The following FRYL variants were observed in gnomAD, a reference collection of about 807,000 sequenced individuals.
FRYL encodes the protein protein furry homolog-like.
In FRYL, 150 loss-of-function variants were observed where a neutral mutation model predicts 351.2. The observed-to-expected ratio is 0.43, with a 90% CI of 0.37 to 0.49. The LOEUF is 0.49. Ranked by LOEUF, FRYL falls within the 20% of genes least tolerant of loss-of-function variation. The pLI, the probability that FRYL is intolerant of heterozygous loss-of-function variation, is 0.00. For synonymous variants in FRYL, 1,153 were observed against 1,257.1 expected, an observed-to-expected ratio of 0.92 and a Z score of 1.75; for missense variants, 3,036 against 3,619.3, an observed-to-expected ratio of 0.84 and a Z score of 4.13.
In FRYL at chr4:48,710,510, T is replaced by G. The variant is rs1218413646; in HGVS notation, c.-204+9A>C. ...AGGCCTAGAAAAGAGGAAATATACA[T>G]GTCCTTACCACTTAGAAATGGTTGT... On this transcript the variant is annotated intron_variant, in intron 2 of 63. Transcript: ENST00000358350. 2.5e-6 allele frequency: 1 copy of G among 398,496 alleles called. No individual in the cohort carries two copies. The highest frequency in any genetic ancestry group is 2.1e-5 in the African/African-American group (1 of 48,640). The allele number at this position is 398,496 out of a possible 1,614,324, so 24.7% of individuals were successfully genotyped here.
Position 48,557,083 on chromosome 4 carries a change from A to G in FRYL, c.4161T>C (p.Asn1387=), listed in dbSNP as rs750997693. The G allele has an allele frequency of 3.7e-6, 6 of 1,606,282 alleles. No homozygotes were observed. The Admixed American group carries it at 5.0e-5, about 13-fold the overall frequency. The part of the protein sequence containing the change: ...GDELAWSEVE[N]VWTTLADGWP... ...AGCCATCTGCAAGTGTGGTCCACAC[A>G]TTCTCCACCTCCGACCAGGCCAGTT... The change falls in exon 35 of 64, where the codon AAT becomes AAC. Residue 1387 remains asparagine (N), a synonymous_variant. Transcript: ENST00000358350.
chr4:48,733,929 A>C (rs1771004380), intron 1 of FRYL, among the ~76,000 whole-genome samples: 1 of 152,182 alleles, frequency 6.6e-6, no homozygotes, highest in Non-Finnish European at 1.5e-5. Context: ...AAAGGAAAGA[A>C]AATGGAATCA....
chr4:48,602,773 C>A lies in FRYL; in HGVS notation c.933+517G>T, dbSNP rs575955883. Among the ~76,000 whole-genome samples the A allele has an allele frequency of 3.3e-5, 5 of 152,266 alleles. No homozygotes were observed. In the South Asian group the frequency reaches 1.0e-3, roughly 32 times the overall value. ...AAAGACGTAATTAGACAGAAAACAG[C>A]TGCTAAAATCACTTTATGACAGTGA... is the stretch of plus-strand genomic sequence containing the variant. On this transcript the variant is annotated intron_variant, in intron 12 of 63. Coordinates refer to ENST00000358350, the MANE Select transcript of FRYL (RefSeq NM_015030.2).
intron 59 of FRYL, among the ~76,000 whole-genome samples, chr4:48,509,306 C>T (rs1194714550): frequency 5.3e-5 from 8 of 152,080 alleles, no homozygotes; most frequent in African/African-American, 1.9e-4. Flanking sequence ...GTACTTGAAG[C>T]TACAATTCAC....
chr4:48,684,947 T>C (rs1482751957), intron 2 of FRYL, among the ~76,000 whole-genome samples, 152 bp from the exon 3 acceptor site: 3 of 152,226 alleles, frequency 2.0e-5, no homozygotes, highest in African/African-American at 7.2e-5. Flanking sequence ...CATGACATTT[T>C]TTCTAAGTTT....
chr4:48,590,254 G>A (rs753399800), intron 17 of FRYL, among the ~76,000 whole-genome samples: 30 of 152,054 alleles, frequency 2.0e-4, no homozygotes, highest in Non-Finnish European at 3.2e-4. Flanking sequence ...AGGCTGAGGC[G>A]AGTGAAATCA....
Position 48,499,670 on chromosome 4 carries a change from G to A in FRYL, c.8794C>T (p.Pro2932Ser). The change falls in exon 64 of 64, where the codon CCC (proline) becomes TCC (serine). Residue 2932 changes from proline to serine, a missense_variant. Physicochemically the swap from Pro to Ser is moderately conservative, Grantham distance 74. This residue lies in a region of FRYL where 1,987 missense variants were observed against 2,311.7 expected (regional missense o/e 0.86). Transcript: ENST00000358350. The part of the protein sequence containing the change: ...AQVKAFRSLW[P>S]SDIFGSCEDD... Reference sequence around the variant, plus strand: ...TCACAACTGCCAAAGATATCACTGGGCCAGAGAGATCTGAAAATACACAAT... The same window carrying A: ...TCACAACTGCCAAAGATATCACTGGACCAGAGAGATCTGAAAATACACAAT... The A allele has an allele frequency of 1.2e-6, 2 of 1,613,458 alleles. No individual in the cohort carries two copies. Among genetic ancestry groups the A allele is most frequent in the Non-Finnish European group, 1.7e-6 (2 of 1,179,586 alleles).
At chr4:48,699,191 TA>T (rs1766491348) in intron 2 of FRYL, among the ~76,000 whole-genome samples, 1 of 152,242 alleles carries the variant, frequency 6.6e-6, no homozygotes, top group Admixed American at 6.5e-5. Context: ...AAAATGCAAT[TA>T]TTTTCAATGG....
At chr4:48,680,997 C>T (rs569940513) in intron 3 of FRYL, 12 of 1,279,388 alleles carry the variant, frequency 9.4e-6, no homozygotes, top group East Asian at 5.7e-5. Flanking sequence ...GCTCATCCAC[C>T]GTCTTCTCAG....
chr4:48,649,086 C>A (rs544692319), intron 3 of FRYL, among the ~76,000 whole-genome samples: 1 of 152,048 alleles, frequency 6.6e-6, no homozygotes, highest in Non-Finnish European at 1.5e-5. Flanking sequence ...TACACAGATA[C>A]GTGTGCAAAG....
intron 35 of FRYL, among the ~76,000 whole-genome samples, chr4:48,555,684 T>C (rs945012053): frequency 6.6e-6 from 1 of 152,124 alleles, no homozygotes; most frequent in Non-Finnish European, 1.5e-5. Context: ...AGACAGAATA[T>C]AGGAGACACA....
chr4:48,674,869 A>C (rs1763324263), intron 3 of FRYL, among the ~76,000 whole-genome samples: 1 of 152,140 alleles, frequency 6.6e-6, no homozygotes, highest in South Asian at 2.1e-4. Flanking sequence ...AAAACAGATC[A>C]AGAGGTTCAC....
At chr4:48,556,880 C>T in intron 35 of FRYL, 98 bp downstream of exon 35, 1 of 1,133,826 alleles carries the variant, frequency 8.8e-7, no homozygotes, top group South Asian at 2.1e-5. Flanking sequence ...CTTGCCTTGC[C>T]TTGCCTCTCC....
In FRYL at chr4:48,551,695, TA is replaced by T. The variant is rs563048995; in HGVS notation, c.4436-118del. ...TAACTAAAATGAGAGCAAAGTCATT[TA>T]AAAAAAGGAATGTACTCATAATGAC... On this transcript the variant is annotated intron_variant, in intron 36 of 63. Transcript: ENST00000358350. 8.5e-5 allele frequency: 55 copies of T among 649,894 alleles called. No homozygotes were observed. In the East Asian group the frequency reaches 1.4e-3, roughly 17 times the overall value. The allele number at this position is 649,894 out of a possible 1,614,324, so 40.3% of individuals were successfully genotyped here. A position where few individuals can be genotyped will look rare whatever the true frequency, so the allele number is the denominator to read the frequency against.
chr4:48,726,945 A>G (rs1770152833), intron 1 of FRYL, among the ~76,000 whole-genome samples: 1 of 152,226 alleles, frequency 6.6e-6, no homozygotes, highest in African/African-American at 2.4e-5. Flanking sequence ...GAAAATTCCA[A>G]TAAAATTATC....
intron 54 of FRYL, 63 bp from the exon 55 acceptor site, chr4:48,521,278 T>C: frequency 8.1e-7 from 1 of 1,234,430 alleles, no homozygotes; most frequent in Non-Finnish European, 1.1e-6. Flanking sequence ...GGAAACATTC[T>C]CTATCATAAA....
intron 1 of FRYL, among the ~76,000 whole-genome samples, chr4:48,744,730 C>T (rs1432564747): frequency 6.6e-6 from 1 of 152,144 alleles, no homozygotes; most frequent in East Asian, 1.9e-4. Context: ...CCTTCCCATA[C>T]TTAGTCAAAT....
chr4:48,603,060 A>T (rs1417636893), intron 12 of FRYL, among the ~76,000 whole-genome samples: 2 of 152,204 alleles, frequency 1.3e-5, no homozygotes, highest in African/African-American at 4.8e-5. Context: ...ATGCATGACT[A>T]CCTAGAAGGA....
intron 23 of FRYL, among the ~76,000 whole-genome samples, chr4:48,577,375 G>A (rs554489674): frequency 1.3e-5 from 2 of 152,304 alleles, no homozygotes; most frequent in African/African-American, 4.8e-5. Context: ...TTTGTAATAT[G>A]TTAAGGTAAG....
Sources: allele counts gnomAD v4.1 joint callset (sites outside exome capture counted in the v4.1 genomes callset), GRCh38; gene constraint gnomAD v4.1.1; regional missense constraint gnomAD v4.1.1; transcripts MANE v1.5; gene names NCBI Gene and HGNC (gene_info 2026-07-23, HGNC 2026-07-21).